Variants in SPATS1 observed in about 807,000 individuals in gnomAD.
SPATS1 encodes spermatogenesis associated serine rich 1.
In SPATS1, 23 loss-of-function variants were observed where a neutral mutation model predicts 33.6. The ratio of observed to expected loss-of-function variants is 0.68; its 90% CI spans 0.49 to 0.97. SPATS1 has a LOEUF of 0.97. SPATS1 is among the 50% of genes least tolerant of loss of function. The pLI is 0.00. For missense variants in SPATS1, 327 were observed against 361.0 expected, an observed-to-expected ratio of 0.91 and a Z score of 0.76; for synonymous variants, 131 against 125.6, an observed-to-expected ratio of 1.04 and a Z score of -0.29.
chr6:44,358,366 T>C (rs1788714317), intron 3 of SPATS1, among the ~76,000 whole-genome samples: 1 of 152,220 alleles, frequency 6.6e-6, no homozygotes, highest in Non-Finnish European at 1.5e-5. Flanking sequence ...ACACCTATAA[T>C]AGTTTGTTGT....
chr6:44,353,600 T>C (rs941186256), intron 3 of SPATS1, among the ~76,000 whole-genome samples: 8 of 152,244 alleles, frequency 5.3e-5, no homozygotes, highest in African/African-American at 1.9e-4. Context: ...AGTTGTAAAA[T>C]TGACTTTGTG....
intron 2 of SPATS1, among the ~76,000 whole-genome samples, chr6:44,348,220 G>T (rs1386342834): frequency 1.3e-5 from 2 of 152,072 alleles, no homozygotes; most frequent in Non-Finnish European, 2.9e-5. Context: ...TGTTGGGCCA[G>T]GCAGTCTTGA....
chr6:44,364,035 G>A (rs899110942), intron 5 of SPATS1, among the ~76,000 whole-genome samples: 12 of 152,050 alleles, frequency 7.9e-5, no homozygotes, highest in Admixed American at 6.5e-4. Context: ...AATGAAACCC[G>A]ATGTACTCAT....
intron 6 of SPATS1, 110 bp from the exon 7 acceptor site, chr6:44,369,941 A>G: frequency 3.3e-6 from 2 of 600,822 alleles, no homozygotes; most frequent in South Asian, 3.3e-5. Flanking sequence ...TGAAGTCAAT[A>G]CTTGAAAATT....
intron 1 of SPATS1, 99 bp downstream of exon 1, chr6:44,342,867 GGC>G: frequency 7.7e-7 from 1 of 1,300,904 alleles, no homozygotes; most frequent in African/African-American, 1.5e-5. Flanking sequence ...GCTGGATGGG[GGC>G]TGCAGCGAGC....
In SPATS1 at chr6:44,363,587, C is replaced by T. The variant is rs146150280; in HGVS notation, c.574+1595C>T. Among the ~76,000 whole-genome samples, 233 of 151,890 alleles carry T rather than the reference C, an allele frequency of 1.5e-3. 1 individual carries two copies. The Middle Eastern group carries it at 0.017, about 11-fold the overall frequency. Reference sequence around the variant, plus strand: ...CTGAATTTTATGTTTATGATTCTTCCCTCTCCTTTCCTTTCTTTTTCTTTC... The same window carrying T: ...CTGAATTTTATGTTTATGATTCTTCTCTCTCCTTTCCTTTCTTTTTCTTTC... On this transcript the variant is annotated intron_variant, in intron 5 of 8. Coordinates refer to ENST00000674044, the MANE Select transcript of SPATS1 (RefSeq NM_001372081.1).
chr6:44,358,033 T>C (rs558990760), intron 3 of SPATS1, among the ~76,000 whole-genome samples: 2 of 152,220 alleles, frequency 1.3e-5, no homozygotes, highest in East Asian at 3.9e-4. Context: ...AGAGTGACAG[T>C]TCTGAGACAT....
At chr6:44,369,964 C>T (rs1360268250) in intron 6 of SPATS1, 87 bp from the exon 7 acceptor site, 1 of 823,948 alleles carries the variant, frequency 1.2e-6, no homozygotes, top group Non-Finnish European at 1.8e-6. Flanking sequence ...AATCGGAAAA[C>T]AGGACATTCT....
At chr6:44,356,853 A>G (rs1002023415) in intron 3 of SPATS1, among the ~76,000 whole-genome samples, 48 of 152,336 alleles carry the variant, frequency 3.2e-4, no homozygotes, top group African/African-American at 1.1e-3. Flanking sequence ...GGTCTAGCCT[A>G]TACTCAAAGA....
intron 3 of SPATS1, among the ~76,000 whole-genome samples, chr6:44,356,252 A>G (rs1333205360): frequency 1.3e-5 from 2 of 152,086 alleles, no homozygotes; most frequent in Non-Finnish European, 2.9e-5. Context: ...CGCTCATCCA[A>G]TGGGGGATCA....
intron 3 of SPATS1, among the ~76,000 whole-genome samples, chr6:44,359,185 A>G (rs1788757402): frequency 6.6e-6 from 1 of 151,716 alleles, no homozygotes; most frequent in Non-Finnish European, 1.5e-5. Context: ...GGTCTCAAAC[A>G]CCTGGGCTTA....
In SPATS1 at chr6:44,378,432, TTTG is replaced by T. The variant is rs1360130058; in HGVS notation, c.*1374_*1376del. On this transcript the variant is annotated 3_prime_UTR_variant, in exon 9 of 9. Transcript: ENST00000674044. ...TGAGCATGATTTATTTCCCAAAATG[TTTG>T]TTGTCTCCAGTCACAGCCAAAGTGA... 6 of 152,144 alleles carry T rather than the reference TTTG, an allele frequency of 3.9e-5. No individual in the cohort carries two copies. Among genetic ancestry groups the T allele is most frequent in the Non-Finnish European group, 8.8e-5 (6 of 68,038 alleles). 9.4% of individuals were successfully genotyped at this position (152,144 alleles called of 1,614,324 possible).
chr6:44,376,109 A>G (rs78712727), intron 7 of SPATS1, among the ~76,000 whole-genome samples: 8,268 of 152,100 alleles, frequency 0.054, 504 homozygotes, highest in East Asian at 0.25. Context: ...TTGTTTCAAA[A>G]AAAAAAAATG....
rs1022468122 is a variant in SPATS1, at chr6:44,379,704, C to T, written c.*2641C>T. The stretch of plus-strand genomic sequence containing the variant: ...AGTAGTCTCTAGGTTTCAAAGAGGT[C>T]TATATAATTCCTAGGTGCTGCTCTA... On this transcript the variant is annotated 3_prime_UTR_variant, in exon 9 of 9. Coordinates refer to ENST00000674044, the MANE Select transcript of SPATS1 (RefSeq NM_001372081.1). Among the ~76,000 whole-genome samples the T allele has an allele frequency of 2.4e-4, 36 of 148,352 alleles. No individual in the cohort carries two copies. The highest frequency in any genetic ancestry group is 6.4e-4 in the African/African-American group (26 of 40,554).
chr6:44,353,460 A>C (rs1788366341), intron 3 of SPATS1, among the ~76,000 whole-genome samples: 1 of 152,112 alleles, frequency 6.6e-6, no homozygotes, highest in Admixed American at 6.5e-5. Flanking sequence ...ATCTTGGCTC[A>C]CTTTAACCTC....
At chr6:44,351,479 T>A (rs1377119379) in intron 2 of SPATS1, among the ~76,000 whole-genome samples, 1 of 152,226 alleles carries the variant, frequency 6.6e-6, no homozygotes, top group African/African-American at 2.4e-5. Context: ...GAATCAGAGT[T>A]TGACTCTTAT....
rs764967963 is a variant in SPATS1, at chr6:44,361,896, G to A, written c.478G>A (p.Val160Ile). ...RFSSNIHTYH[V>I]GKQCFFNGVF... Reference sequence around the variant, plus strand: ...TAGCAGCAACATCCACACCTACCACGTCGGAAAGCAGTGCTTCTTTAATGG... The same window carrying A: ...TAGCAGCAACATCCACACCTACCACATCGGAAAGCAGTGCTTCTTTAATGG... The change falls in exon 5 of 9, where the codon GTC becomes ATC. Residue 160 changes from valine (V) to isoleucine (I), a missense_variant. By Grantham distance (29) the Val-to-Ile change is conservative. Transcript: ENST00000674044. The A allele has an allele frequency of 6.2e-6, 10 of 1,614,118 alleles. No homozygotes were observed. Among genetic ancestry groups the A allele is most frequent in the African/African-American group, 1.3e-5 (1 of 74,924 alleles).
intron 4 of SPATS1, chr6:44,361,464 A>T: frequency 1.0e-6 from 1 of 985,448 alleles, no homozygotes; most frequent in Non-Finnish European, 1.2e-6. Context: ...GGTTGATGGC[A>T]TTCTATTTTT....
chr6:44,355,472 G>A (rs1017513769), intron 3 of SPATS1, among the ~76,000 whole-genome samples: 6 of 152,112 alleles, frequency 3.9e-5, no homozygotes, highest in African/African-American at 1.2e-4. Context: ...TCATACCTTT[G>A]AGTGTTTTTC....
Sources: gnomAD v4.1 joint callset for allele counts (sites outside exome capture counted in the v4.1 genomes callset) on GRCh38, gnomAD v4.1.1 for gene constraint, MANE v1.5 for transcripts, NCBI Gene and HGNC (gene_info 2026-07-23, HGNC 2026-07-21) for gene names.